Variants in DNAH11 observed in about 807,000 individuals in gnomAD.
The protein encoded by DNAH11 is dynein axonemal heavy chain 11.
A neutral mutation model predicts 526.0 loss-of-function variants in DNAH11; 442 were observed. The observed-to-expected ratio is 0.84, with a 90% CI of 0.78 to 0.91. The LOEUF is 0.91. DNAH11 is among the 40% of genes least tolerant of loss of function. The pLI is 0.00. For missense variants in DNAH11, 6,989 were observed against 5,448.7 expected, an observed-to-expected ratio of 1.28 and a Z score of -8.90; for synonymous variants, 2,461 against 1,935.9, an observed-to-expected ratio of 1.27 and a Z score of -7.12.
At position 21,872,123 on chromosome 7, in the gene DNAH11, C is replaced by CAAAAAAAAAAAAAAAAAAAAAA. The variant is rs776718319; in HGVS notation, c.11968-1146_11968-1125dup. Among the ~76,000 whole-genome samples, 15 of 30,832 alleles carry CAAAAAAAAAAAAAAAAAAAAAA rather than the reference C, an allele frequency of 4.9e-4. 4 individuals are homozygous for CAAAAAAAAAAAAAAAAAAAAAA. Among genetic ancestry groups the CAAAAAAAAAAAAAAAAAAAAAA allele is most frequent in the Non-Finnish European group, 7.8e-4 (14 of 17,974 alleles). 20.2% of individuals were successfully genotyped at this position (30,832 alleles called of 152,430 possible). ...TGGGTGACAGAGCGAGACTCTGTCT[C>CAAAAAAAAAAAAAAAAAAAAAA]AAAAAAAAAAAAAAAAAAAAAAAAA... On this transcript the variant is annotated intron_variant, in intron 73 of 81. Transcript: ENST00000409508.
At chr7:21,727,574 T>C (rs1477183339) in intron 45 of DNAH11, among the ~76,000 whole-genome samples, 1 of 152,222 alleles carries the variant, frequency 6.6e-6, no homozygotes, top group Non-Finnish European at 1.5e-5. Flanking sequence ...ATTCAGGTAT[T>C]CTTTGATCAT....
chr7:21,702,632 C>A, intron 36 of DNAH11, 78 bp from the exon 37 acceptor site: 3 of 1,249,594 alleles, frequency 2.4e-6, no homozygotes, highest in Non-Finnish European at 3.4e-6. Flanking sequence ...TTCTTAAAAA[C>A]TTTCAGCTCT....
chr7:21,778,943 T>C lies in DNAH11; in HGVS notation c.9337-15T>C. The stretch of plus-strand genomic sequence containing the variant: ...AACAAGGCCAGTGACGTAAGAATAA[T>C]GACTTTTGCTTTAGGTGGGAGATCT... On this transcript the variant is annotated splice_polypyrimidine_tract_variant and intron_variant, in intron 56 of 81. Coordinates refer to ENST00000409508, the MANE Select transcript of DNAH11 (RefSeq NM_001277115.2). 1.2e-6 allele frequency: 2 copies of C among 1,611,704 alleles called. No individual in the cohort carries two copies. The highest frequency in any genetic ancestry group is 2.7e-5 in the African/African-American group (2 of 74,976).
intron 65 of DNAH11, among the ~76,000 whole-genome samples, chr7:21,833,710 AAAAT>A (rs761912321): frequency 9.0e-4 from 137 of 152,202 alleles, no homozygotes; most frequent in African/African-American, 2.8e-3. Flanking sequence ...ATAAAAAATA[AAAAT>A]AAATAAATAA....
rs1027136841 is a variant in DNAH11 at position 21,801,000 on chromosome 7, A to G, written c.10027-137A>G. ...CCTTCTTTTCCTTCTTCCCTAAAAT[A>G]CGTATGGTAAAGGGGCAAAGGTTAA... On this transcript the variant is annotated intron_variant, in intron 61 of 81. Transcript: ENST00000409508. 1.5e-5 allele frequency: 13 copies of G among 849,710 alleles called. No homozygotes were observed. The African/African-American group carries it at 2.3e-4, about 15-fold the overall frequency. 52.6% of individuals were successfully genotyped at this position (849,710 alleles called of 1,614,324 possible). A position where few individuals can be genotyped will look rare whatever the true frequency, so the allele number is the denominator to read the frequency against.
In DNAH11 at chr7:21,880,834, C is replaced by A. The variant is rs200821339; in HGVS notation, c.12328C>A (p.Pro4110Thr). The change falls in exon 75 of 82, where the codon CCT becomes ACT. Residue 4110 changes from proline (P) to threonine (T), a missense_variant. Physicochemically the swap from Pro to Thr is conservative, Grantham distance 38 (BLOSUM62 -1). Transcript: ENST00000409508. ...QGWSRSYPFNPGDLTICASVL... is the reference protein window; with the variant it reads ...QGWSRSYPFNTGDLTICASVL... ...CTGGAGCCGAAGCTATCCTTTTAATCCTGGAGACCTCACCATTTGTGCCAG... is the reference window on the plus strand; with the variant it reads ...CTGGAGCCGAAGCTATCCTTTTAATACTGGAGACCTCACCATTTGTGCCAG... 177 of 1,613,898 alleles carry A rather than the reference C, an allele frequency of 1.1e-4. 1 individual carries two copies. In the African/African-American group the frequency reaches 2.2e-3, roughly 20 times the overall value.
intron 69 of DNAH11, 85 bp downstream of exon 69, chr7:21,862,108 C>A (rs529747548): frequency 3.9e-5 from 45 of 1,167,776 alleles, no homozygotes; most frequent in Admixed American, 1.4e-4. Context: ...TCTGCTGAAG[C>A]AAAATATAAT....
chr7:21,741,644 A>AT (rs1785903278), intron 48 of DNAH11, among the ~76,000 whole-genome samples: 1 of 152,178 alleles, frequency 6.6e-6, no homozygotes, highest in Non-Finnish European at 1.5e-5. Flanking sequence ...ACCCTGCTTT[A>AT]TGTGTCCCTC....
intron 74 of DNAH11, among the ~76,000 whole-genome samples, chr7:21,874,376 C>G (rs1255302938): frequency 6.6e-6 from 1 of 151,482 alleles, no homozygotes; most frequent in Non-Finnish European, 1.5e-5. Flanking sequence ...GCTCTTGTCG[C>G]CCAGGCTGGA....
chr7:21,624,845 A>G (rs1283633347), intron 25 of DNAH11, among the ~76,000 whole-genome samples: 1 of 152,112 alleles, frequency 6.6e-6, no homozygotes, highest in Non-Finnish European at 1.5e-5. Flanking sequence ...GGTATATCAC[A>G]TTTATTGATT....
At chr7:21,637,166 C>T (rs576173629) in intron 26 of DNAH11, among the ~76,000 whole-genome samples, 4 of 152,018 alleles carry the variant, frequency 2.6e-5, no homozygotes, top group Admixed American at 2.0e-4. Flanking sequence ...ATTCTGGGCG[C>T]TCTCTCATTC....
At chr7:21,833,094 C>T (rs1359253325) in intron 65 of DNAH11, among the ~76,000 whole-genome samples, 1 of 152,166 alleles carries the variant, frequency 6.6e-6, no homozygotes, top group Non-Finnish European at 1.5e-5. Context: ...TGAACTGTCC[C>T]ATTGAACAAT....
At chr7:21,635,753 A>T (rs957232941) in intron 25 of DNAH11, 118 bp from the exon 26 acceptor site, 1 of 733,084 alleles carries the variant, frequency 1.4e-6, no homozygotes, top group Admixed American at 3.3e-5. Flanking sequence ...CCAGTTCCAG[A>T]TATTACATGC....
Position 21,718,275 on chromosome 7 carries a change from T to A in DNAH11, c.7134+350T>A, listed in dbSNP as rs115645600. 3.0e-3 allele frequency among the ~76,000 whole-genome samples: 460 copies of A among 152,322 alleles called. 2 individuals carry two copies. The highest frequency in any genetic ancestry group is 0.011 in the African/African-American group (443 of 41,568). ...TGAATCACTGTGTTCCTTTCCAGTG[T>A]CTTTGCACAGAATTAGAAGAACAAA... On this transcript the variant is annotated intron_variant, in intron 43 of 81. Coordinates refer to ENST00000409508, the MANE Select transcript of DNAH11 (RefSeq NM_001277115.2).
At chr7:21,568,135 A>G (rs991475901) in intron 6 of DNAH11, among the ~76,000 whole-genome samples, 3 of 152,226 alleles carry the variant, frequency 2.0e-5, no homozygotes, top group African/African-American at 7.2e-5. Flanking sequence ...CGAGCCTCAA[A>G]CTAACAATAT....
chr7:21,814,114 T>C (rs1011646071), intron 63 of DNAH11, among the ~76,000 whole-genome samples: 1 of 152,138 alleles, frequency 6.6e-6, no homozygotes, highest in Admixed American at 6.5e-5. Context: ...TGGTAAGTAT[T>C]TGTGCATCTA....
At chr7:21,720,907 G>T (rs1368253486) in intron 44 of DNAH11, 51 bp downstream of exon 44, 3 of 1,587,732 alleles carry the variant, frequency 1.9e-6, no homozygotes, top group Non-Finnish European at 2.6e-6. Flanking sequence ...GTGTGGGACA[G>T]GGTCATGGGG....
chr7:21,790,765 G>A (rs552342048), intron 61 of DNAH11, among the ~76,000 whole-genome samples: 1 of 152,292 alleles, frequency 6.6e-6, no homozygotes, highest in Non-Finnish European at 1.5e-5. Context: ...CAGCAAGTCA[G>A]AGCCCTGCAA....
intron 66 of DNAH11, 34 bp downstream of exon 66, chr7:21,842,782 C>T (rs780741257): frequency 9.7e-6 from 15 of 1,540,920 alleles, no homozygotes; most frequent in Middle Eastern, 3.4e-4. Flanking sequence ...AACACTTAGT[C>T]GGCATTTGCT....
Sources: gnomAD v4.1 joint callset for allele counts (sites outside exome capture counted in the v4.1 genomes callset) on GRCh38, gnomAD v4.1.1 for gene constraint, MANE v1.5 for transcripts, NCBI Gene and HGNC (gene_info 2026-07-23, HGNC 2026-07-21) for gene names.